The following LRRC39 variants were observed in gnomAD, a reference collection of about 807,000 sequenced individuals.
LRRC39 encodes the protein leucine-rich repeat-containing protein 39.
LRRC39 carries 35 observed loss-of-function variants against 39.7 expected under a neutral mutation model. The observed-to-expected ratio is 0.88, with a 90% CI of 0.67 to 1.17. The LOEUF (loss-of-function observed/expected upper bound fraction) is 1.17. Among genes scored for constraint, LRRC39 ranks in the 50% most tolerant of loss-of-function variants. The pLI is 0.00. For missense variants in LRRC39, 357 were observed against 385.8 expected, an observed-to-expected ratio of 0.93 and a Z score of 0.62; for synonymous variants, 113 against 134.1, an observed-to-expected ratio of 0.84 and a Z score of 1.09.
intron 3 of LRRC39, among the ~76,000 whole-genome samples, chr1:100,164,015 G>A (rs1002141225): frequency 6.6e-6 from 1 of 152,136 alleles, no homozygotes; most frequent in Non-Finnish European, 1.5e-5. Context: ...AGAGGTTGCA[G>A]TGAGCCAAGA....
At chr1:100,174,699 GA>G (rs1659844577) in intron 1 of LRRC39, among the ~76,000 whole-genome samples, 2 of 152,092 alleles carry the variant, frequency 1.3e-5, no homozygotes, top group East Asian at 3.9e-4. Flanking sequence ...AGTGAAAGTA[GA>G]AAAAATAAAG....
intron 6 of LRRC39, among the ~76,000 whole-genome samples, chr1:100,157,413 G>A (rs1459720568): frequency 5.3e-5 from 8 of 152,140 alleles, no homozygotes; most frequent in Admixed American, 3.9e-4. Context: ...CCCCAGCCAC[G>A]TGAAACTGAG....
chr1:100,160,345 G>C (rs1658782648), intron 4 of LRRC39, 121 bp downstream of exon 4: 1 of 604,582 alleles, frequency 1.7e-6, no homozygotes, highest in East Asian at 3.1e-5. Flanking sequence ...AAATTCATTT[G>C]GTGTATTATT....
intron 3 of LRRC39, among the ~76,000 whole-genome samples, chr1:100,164,664 C>A (rs926363648): frequency 6.6e-6 from 1 of 151,940 alleles, no homozygotes; most frequent in South Asian, 2.1e-4. Flanking sequence ...AGATTCTTAC[C>A]ATTTTGCGTC....
Position 100,152,507 on chromosome 1 carries a change from T to C in LRRC39, c.830A>G (p.Asp277Gly), listed in dbSNP as rs2101763051. ...MANLRFVNFR[D>G]NPLKLKVSLP... ...TGATACTTTCAATTTCAGTGGGTTGTCTCTGAAGTTGACAAACCTAGAAGT... is the reference window on the plus strand; with the variant it reads ...TGATACTTTCAATTTCAGTGGGTTGCCTCTGAAGTTGACAAACCTAGAAGT... The change falls in exon 9 of 10, where the codon GAC (aspartate) becomes GGC (glycine). Residue 277 changes from aspartate (D) to glycine (G), a missense_variant. Asp to Gly is a moderately conservative substitution (Grantham distance 94, BLOSUM62 -1). Coordinates refer to ENST00000370137, the MANE Select transcript of LRRC39 (RefSeq NM_144620.4). 1 of 1,613,922 alleles carries C rather than the reference T, an allele frequency of 6.2e-7. No homozygotes were observed. The highest frequency in any genetic ancestry group is 2.2e-5 in the East Asian group (1 of 44,852).
At chr1:100,151,679 C>T (rs1022343798) in intron 9 of LRRC39, among the ~76,000 whole-genome samples, 1 of 152,108 alleles carries the variant, frequency 6.6e-6, no homozygotes, top group Non-Finnish European at 1.5e-5. Flanking sequence ...TGCACTTTGT[C>T]CTCTTCCCCT....
intron 9 of LRRC39, among the ~76,000 whole-genome samples, chr1:100,151,043 C>G (rs1657957559): frequency 7.0e-6 from 1 of 142,968 alleles, no homozygotes; most frequent in Non-Finnish European, 1.5e-5. Flanking sequence ...AGGAGAATCA[C>G]TTGAACCTGG....
intron 2 of LRRC39, among the ~76,000 whole-genome samples, chr1:100,170,765 A>G (rs577070549): frequency 5.8e-4 from 88 of 151,824 alleles, no homozygotes; most frequent in Middle Eastern, 3.4e-3. Flanking sequence ...CCAGGCTACA[A>G]TATAGTGGCG....
In LRRC39 at chr1:100,168,588, A is replaced by G; in HGVS notation, c.-72T>C. The G allele has an allele frequency of 1.8e-6, 2 of 1,137,354 alleles. No homozygotes were observed. Among genetic ancestry groups the G allele is most frequent in the Non-Finnish European group, 2.6e-6 (2 of 771,586 alleles). The allele number at this position is 1,137,354 out of a possible 1,614,324, so 70.5% of individuals were successfully genotyped here. A position where few individuals can be genotyped will look rare whatever the true frequency, so the allele number is the denominator to read the frequency against. On this transcript the variant is annotated 5_prime_UTR_variant, in exon 3 of 10. Transcript: ENST00000370137. The stretch of plus-strand genomic sequence containing the variant: ...AGCTGAATCATAGATACCATTTCAG[A>G]AAGGACCTAAATGTACCAGAGAAAA...
chr1:100,156,865 G>C (rs1658499897), intron 6 of LRRC39, among the ~76,000 whole-genome samples: 1 of 152,094 alleles, frequency 6.6e-6, no homozygotes, highest in Non-Finnish European at 1.5e-5. Flanking sequence ...CACGACTGTA[G>C]TCCCAGCTAC....
Position 100,168,486 on chromosome 1 carries a change from C to T in LRRC39, c.31G>A (p.Val11Ile), listed in dbSNP as rs1389500206. ...TCCCAAACTTCCTTTACAGCATTGA[C>T]AGCCCCAGTACAAACCACATTTTCT... MTENVVCTGA[V>I]NAVKEVWEKR... The change falls in exon 3 of 10, where the codon GTC becomes ATC. Residue 11 changes from valine to isoleucine, a missense_variant. Val to Ile is a conservative substitution (Grantham distance 29). Coordinates refer to ENST00000370137, the MANE Select transcript of LRRC39 (RefSeq NM_144620.4). 1.2e-6 allele frequency: 2 copies of T among 1,612,454 alleles called. No homozygotes were observed. Among genetic ancestry groups the T allele is most frequent in the Non-Finnish European group, 1.7e-6 (2 of 1,179,576 alleles).
At chr1:100,174,736 T>C (rs76753718) in intron 1 of LRRC39, among the ~76,000 whole-genome samples, 6,887 of 152,266 alleles carry the variant, frequency 0.045, 178 homozygotes, top group African/African-American at 0.06. Context: ...ATAGGACTTA[T>C]CTTGATGTCC....
intron 3 of LRRC39, among the ~76,000 whole-genome samples, chr1:100,165,121 A>C (rs1416331167): frequency 6.6e-6 from 1 of 152,242 alleles, no homozygotes; most frequent in African/African-American, 2.4e-5. Flanking sequence ...ATAATACTGT[A>C]CAATGATTTT....
At chr1:100,170,443 C>G (rs551090194) in intron 2 of LRRC39, among the ~76,000 whole-genome samples, 2 of 152,194 alleles carry the variant, frequency 1.3e-5, no homozygotes, top group African/African-American at 4.8e-5. Context: ...ATAGGCAAAT[C>G]TGTAGATTCA....
At chr1:100,167,544 G>A (rs1198123038) in intron 3 of LRRC39, among the ~76,000 whole-genome samples, 2 of 152,132 alleles carry the variant, frequency 1.3e-5, no homozygotes, top group South Asian at 2.1e-4. Flanking sequence ...GGAGGCCAAG[G>A]TGGGTGGATC....
At chr1:100,152,687 T>A (rs1658142106) in intron 8 of LRRC39, among the ~76,000 whole-genome samples, 163 bp from the exon 9 acceptor site, 1 of 152,176 alleles carries the variant, frequency 6.6e-6, no homozygotes, top group South Asian at 2.1e-4. Flanking sequence ...AATCTTATGT[T>A]TTTTTCCTAA....
rs1421022957 is a variant in LRRC39, at chr1:100,168,506, T to G, written c.11A>C (p.Asn4Thr). Residue 4 changes from asparagine to threonine, a missense_variant, in exon 3 of 10, where the codon AAT (asparagine) becomes ACT (threonine). Physicochemically the swap from Asn to Thr is moderately conservative, Grantham distance 65. Coordinates refer to ENST00000370137, the MANE Select transcript of LRRC39 (RefSeq NM_144620.4). ...ATTGACAGCCCCAGTACAAACCACATTTTCTGTCATGATTTCTCCACATTG... is the reference window on the plus strand; with the variant it reads ...ATTGACAGCCCCAGTACAAACCACAGTTTCTGTCATGATTTCTCCACATTG... MTENVVCTGAVNAV... is the reference protein window; with the variant it reads MTETVVCTGAVNAV... 6.2e-7 allele frequency: 1 copy of G among 1,608,732 alleles called. No individual in the cohort carries two copies. The highest frequency in any genetic ancestry group is 8.5e-7 in the Non-Finnish European group (1 of 1,178,538).
At chr1:100,149,127 A>G (rs748553775) in intron 9 of LRRC39, 30 bp from the exon 10 acceptor site, 1 of 1,579,008 alleles carries the variant, frequency 6.3e-7, no homozygotes, top group Non-Finnish European at 8.5e-7. Context: ...TCAACACATA[A>G]TTAGCGTATT....
intron 5 of LRRC39, 72 bp from the exon 6 acceptor site, chr1:100,158,439 C>T: frequency 7.0e-7 from 1 of 1,427,376 alleles, no homozygotes; most frequent in Non-Finnish European, 9.5e-7. Flanking sequence ...GGTATTACAG[C>T]ATAACTTTTT....
Sources: gnomAD v4.1 joint callset for allele counts (sites outside exome capture counted in the v4.1 genomes callset) on GRCh38, gnomAD v4.1.1 for gene constraint, MANE v1.5 for transcripts, NCBI Gene and HGNC (gene_info 2026-07-23, HGNC 2026-07-21) for gene names.